The following MAP3K12 variants were observed in gnomAD, a reference collection of about 807,000 sequenced individuals.
MAP3K12 encodes the protein MAPK-upstream kinase.
MAP3K12 carries 14 observed loss-of-function variants against 87.5 expected under a neutral mutation model. The observed-to-expected ratio is 0.16, with a 90% CI of 0.11 to 0.25. The LOEUF is 0.25. Ranked by LOEUF, MAP3K12 falls within the 10% of genes least tolerant of loss-of-function variation. The probability of loss-of-function intolerance (pLI) is 1.00; values close to 1 mark genes in which losing one functional copy is unlikely to be tolerated. For missense variants in MAP3K12, 802 were observed against 1,140.4 expected, an observed-to-expected ratio of 0.70 and a Z score of 4.27; for synonymous variants, 469 against 452.5, an observed-to-expected ratio of 1.04 and a Z score of -0.46.
upstream of MAP3K12, chr12:53,501,167 C>T (rs1239341767): frequency 5.3e-6 from 3 of 564,378 alleles, no homozygotes; most frequent in South Asian, 2.2e-5. Context: ...GCCCGCTCCT[C>T]CCAGAAGGCG....
Position 53,486,341 on chromosome 12 carries a change from A to G in MAP3K12, c.630-94T>C. 1 of 1,559,538 alleles carries G rather than the reference A, an allele frequency of 6.4e-7. No individual in the cohort carries two copies. Among genetic ancestry groups the G allele is most frequent in the Non-Finnish European group, 8.7e-7 (1 of 1,148,582 alleles). Reference sequence around the variant, plus strand: ...CCATTCCCACCCATTCCACCTATGGATCTCCTCTGGGGAAGGATGGGGTAG... The same window carrying G: ...CCATTCCCACCCATTCCACCTATGGGTCTCCTCTGGGGAAGGATGGGGTAG... On this transcript the variant is annotated intron_variant, in intron 3 of 13. Transcript: ENST00000547488. The surrounding 1 kb of genome is among the most constrained non-coding windows in gnomAD (Gnocchi z 4.9).
chr12:53,490,266 T>A (rs1943363581), intron 1 of MAP3K12, among the ~76,000 whole-genome samples: 1 of 151,798 alleles, frequency 6.6e-6, no homozygotes, highest in Admixed American at 6.6e-5. Flanking sequence ...ATCACGCCAC[T>A]GTACTCCAGC....
intron 10 of MAP3K12, 76 bp downstream of exon 10, chr12:53,483,273 C>T (rs1258629078): frequency 6.3e-7 from 1 of 1,578,386 alleles, no homozygotes; most frequent in Non-Finnish European, 8.6e-7. Context: ...CTAAAGTACA[C>T]ATCTCCCTGC....
chr12:53,481,505 A>G, intron 13 of MAP3K12: 1 of 298,252 alleles, frequency 3.4e-6, no homozygotes, highest in Non-Finnish European at 6.3e-6. Context: ...ATGCACCACC[A>G]CGCCCAGCTA....
Position 53,483,467 on chromosome 12 carries a change from G to T in MAP3K12, c.1495C>A (p.Arg499=). 2 of 1,614,108 alleles carry T rather than the reference G, an allele frequency of 1.2e-6. No individual in the cohort carries two copies. The highest frequency in any genetic ancestry group is 1.7e-6 in the Non-Finnish European group (2 of 1,180,022). The change falls in exon 10 of 14, where the codon CGG becomes AGG. Residue 499 remains arginine, a synonymous_variant. Coordinates refer to ENST00000547488, the MANE Select transcript of MAP3K12 (RefSeq NM_001193511.2). ...ELLRREQALE[R]RCPGLLKPHP... ...GGCTTCAGCAGGCCTGGGCACCTCC[G>T]CTCTAAAGCTTGCTCTCGCCTAAAG...
At position 53,491,301 on chromosome 12, in the gene MAP3K12, A is replaced by AGAAAAGAAAAAG. The variant is rs1555212338; in HGVS notation, c.-37-3874_-37-3873insCTTTTTCTTTTC. ...AGACTCTGTCTCAAAAAAAAAAAAAAAAAAGAAAAGAAAAGAAAAACAGGC... is the reference window on the plus strand; with the variant it reads ...AGACTCTGTCTCAAAAAAAAAAAAAAGAAAAGAAAAAGAAAAGAAAAGAAAAGAAAAACAGGC... On this transcript the variant is annotated intron_variant, in intron 1 of 13. Coordinates refer to ENST00000547488, the MANE Select transcript of MAP3K12 (RefSeq NM_001193511.2). Among the ~76,000 whole-genome samples the AGAAAAGAAAAAG allele has an allele frequency of 3.3e-4, 34 of 101,600 alleles. 1 individual carries two copies. The East Asian group carries it at 5.0e-3, about 15-fold the overall frequency. The allele number at this position is 101,600 out of a possible 152,430, so 66.7% of individuals were successfully genotyped here.
rs73313235 is a variant in MAP3K12, at chr12:53,497,873, G to C, written c.-38+1554C>G. ...ACTGTGCATTACGAGAGTCCGGGCT[G>C]TGAGTGGTAGAACCAAGAGTCCTCT... is the stretch of plus-strand genomic sequence containing the variant. On this transcript the variant is annotated intron_variant, in intron 1 of 13. Transcript: ENST00000547488. 8.4e-3 allele frequency among the ~76,000 whole-genome samples: 1,279 copies of C among 152,296 alleles called. 19 individuals carry two copies. Among genetic ancestry groups the C allele is most frequent in the African/African-American group, 0.03 (1,238 of 41,548 alleles).
Position 53,486,582 on chromosome 12 carries a change from C to T in MAP3K12, c.486G>A (p.Gln162=), listed in dbSNP as rs781206256. The T allele has an allele frequency of 1.2e-6, 2 of 1,612,856 alleles. No individual in the cohort carries two copies. Among genetic ancestry groups the T allele is most frequent in the East Asian group, 4.5e-5 (2 of 44,872 alleles). ...EVPFEEILDL[Q]WVGSGAQGAV... ...CACCCTGGGCCCCTGAGCCCACCCA[C>T]TGCAGGTCCAGGATTTCCTCAAAGG... Residue 162 remains glutamine (Q), a synonymous_variant, in exon 3 of 14, where the codon CAG becomes CAA. Coordinates refer to ENST00000547488, the MANE Select transcript of MAP3K12 (RefSeq NM_001193511.2). This position sits in a 1 kb window ranked among gnomAD's most constrained non-coding sequence, Gnocchi z 4.9.
intron 1 of MAP3K12, among the ~76,000 whole-genome samples, chr12:53,495,239 T>G (rs1943517918): frequency 7.0e-6 from 1 of 143,844 alleles, no homozygotes; most frequent in African/African-American, 2.6e-5. Context: ...CTCGGGAGGC[T>G]GAGGCAGGAG....
intron 7 of MAP3K12, 99 bp downstream of exon 7, chr12:53,484,158 C>A: frequency 7.3e-7 from 1 of 1,366,926 alleles, no homozygotes; most frequent in South Asian, 1.2e-5. Flanking sequence ...GAGCCAATCT[C>A]TTCAGTCCCA....
chr12:53,485,049 T>C lies in MAP3K12; in HGVS notation c.1139+7A>G. The C allele has an allele frequency of 6.2e-7, 1 of 1,614,054 alleles. No individual in the cohort carries two copies. The highest frequency in any genetic ancestry group is 2.2e-5 in the East Asian group (1 of 44,878). Reference sequence around the variant, plus strand: ...AGGCCCAGTATCCCAGCCCAGACCATCCTTACCAGCACTGGCGAAGCAGGA... The same window carrying C: ...AGGCCCAGTATCCCAGCCCAGACCACCCTTACCAGCACTGGCGAAGCAGGA... On this transcript the variant is annotated splice_region_variant and intron_variant, in intron 6 of 13. Coordinates refer to ENST00000547488, the MANE Select transcript of MAP3K12 (RefSeq NM_001193511.2).
At chr12:53,500,598 G>A (rs1943661675), upstream of MAP3K12, 2 of 152,446 alleles carry the variant, frequency 1.3e-5, no homozygotes, top group South Asian at 4.1e-4. Context: ...CCAAGGGCAA[G>A]GGGCTTAGGC....
At chr12:53,492,945 G>A (rs963670009) in intron 1 of MAP3K12, 1 of 152,376 alleles carries the variant, frequency 6.6e-6, no homozygotes, top group African/African-American at 2.4e-5. Flanking sequence ...GAAGGACGAA[G>A]CCCAAGTCAG....
At chr12:53,498,638 T>C (rs1391218541) in intron 1 of MAP3K12, among the ~76,000 whole-genome samples, 1 of 151,038 alleles carries the variant, frequency 6.6e-6, no homozygotes, top group Admixed American at 6.6e-5. Flanking sequence ...GTTTGAGGAG[T>C]GTTTGTGGGA....
chr12:53,485,243 C>A, intron 5 of MAP3K12, 29 bp from the exon 6 acceptor site: 1 of 1,602,316 alleles, frequency 6.2e-7, no homozygotes, highest in South Asian at 1.1e-5. Context: ...CACTTGTGCT[C>A]AAGCCCTAGA....
chr12:53,484,035 C>G lies in MAP3K12; in HGVS notation c.1249-15G>C, dbSNP rs1460280070. On this transcript the variant is annotated splice_polypyrimidine_tract_variant and intron_variant, in intron 7 of 13. Transcript: ENST00000547488. ...CGCCACTCTGCCTATGGGTTGAGAG[C>G]AGATGAAGAGTGAGAGCCATCCCTT... is the stretch of plus-strand genomic sequence containing the variant. The G allele has an allele frequency of 1.9e-6, 3 of 1,610,864 alleles. No individual in the cohort carries two copies. Among genetic ancestry groups the G allele is most frequent in the African/African-American group, 1.3e-5 (1 of 74,844 alleles).
chr12:53,484,650 T>C (rs913167252), intron 6 of MAP3K12: 62 of 465,600 alleles, frequency 1.3e-4, no homozygotes, highest in Non-Finnish European at 2.2e-4. Context: ...TTTTGGGAAA[T>C]GCTCAGTGAC....
rs1943606596 is a variant in MAP3K12, at chr12:53,498,953, T to TGGAGATG, written c.-38+473_-38+474insCATCTCC. Among the ~76,000 whole-genome samples the TGGAGATG allele has an allele frequency of 3.0e-3, 78 of 25,946 alleles. No homozygotes were observed. The East Asian group carries it at 0.045, about 15-fold the overall frequency. 17.0% of individuals were successfully genotyped at this position (25,946 alleles called of 152,430 possible). On this transcript the variant is annotated intron_variant, in intron 1 of 13. Transcript: ENST00000547488. ...GTGTGTGTGTGTGTGTGTGTGTGTG[T>TGGAGATG]GTGTGTGTGTGTGTGTGTGTGTGTG...
intron 1 of MAP3K12, among the ~76,000 whole-genome samples, chr12:53,498,358 G>A (rs1219767397): frequency 1.3e-5 from 2 of 152,186 alleles, no homozygotes; most frequent in African/African-American, 4.8e-5. Flanking sequence ...AGGGAAATGT[G>A]TTTAGAGGGA....
Sources: gnomAD v4.1 joint callset for allele counts (sites outside exome capture counted in the v4.1 genomes callset) on GRCh38, gnomAD v4.1.1 for gene constraint, Gnocchi (gnomAD v3.1) non-coding constraint, MANE v1.5 for transcripts, NCBI Gene and HGNC (gene_info 2026-07-23, HGNC 2026-07-21) for gene names.